TNFRSF19: variants seen among roughly 807,000 people sequenced by gnomAD.
The protein encoded by TNFRSF19 is TNF receptor superfamily member 19.
In TNFRSF19, 27 loss-of-function variants were observed where a neutral mutation model predicts 46.4. That is an observed-to-expected ratio of 0.58 (90% CI 0.43 to 0.80). TNFRSF19 has a LOEUF of 0.80. Among genes scored for constraint, TNFRSF19 ranks in the 30% least tolerant of loss-of-function variants. The pLI, the probability that TNFRSF19 is intolerant of heterozygous loss-of-function variation, is 0.00. For missense variants in TNFRSF19, 511 were observed against 530.8 expected, an observed-to-expected ratio of 0.96 and a Z score of 0.37; for synonymous variants, 204 against 205.0, an observed-to-expected ratio of 1.00 and a Z score of 0.04.
intron 5 of TNFRSF19, among the ~76,000 whole-genome samples, chr13:23,658,840 G>A (rs1884150459): frequency 6.6e-6 from 1 of 152,142 alleles, no homozygotes; most frequent in Admixed American, 6.5e-5. Flanking sequence ...ACAGAGGAGA[G>A]GGACACCCTG....
chr13:23,586,246 A>G (rs545535797), intron 1 of TNFRSF19, among the ~76,000 whole-genome samples: 1 of 137,566 alleles, frequency 7.3e-6, no homozygotes, highest in East Asian at 2.2e-4. Context: ...TGACAGAGCG[A>G]GACTCCGTCT....
At chr13:23,582,230 A>T (rs1878496240) in intron 1 of TNFRSF19, among the ~76,000 whole-genome samples, 2 of 68,716 alleles carry the variant, frequency 2.9e-5, no homozygotes, top group South Asian at 1.0e-3. Context: ...AATACAAAAA[A>T]AAAAAAAAAA....
Position 23,657,170 on chromosome 13 carries a change from G to A in TNFRSF19, c.446-1880G>A, listed in dbSNP as rs924798931. On this transcript the variant is annotated intron_variant, in intron 5 of 9. Coordinates refer to ENST00000248484, the MANE Select transcript of TNFRSF19 (RefSeq NM_148957.4). ...TATGGTGTGTGTGCCTTCCCAGATG[G>A]CAATAAGAGACTTTTATATGTGTGG... Among the ~76,000 whole-genome samples the A allele has an allele frequency of 2.6e-5, 4 of 152,152 alleles. No individual in the cohort carries two copies. The East Asian group carries it at 7.7e-4, about 29-fold the overall frequency.
At chr13:23,628,997 G>C (rs1882179060) in intron 5 of TNFRSF19, among the ~76,000 whole-genome samples, 1 of 151,924 alleles carries the variant, frequency 6.6e-6, no homozygotes, top group African/African-American at 2.4e-5. Flanking sequence ...AGTAATTCCA[G>C]AACACAGCTA....
chr13:23,590,031 TA>T (rs1454129409), intron 1 of TNFRSF19, 118 bp from the exon 2 acceptor site: 7 of 439,496 alleles, frequency 1.6e-5, no homozygotes, highest in Non-Finnish European at 2.9e-5. Context: ...TGGTTTCTTT[TA>T]AAACACAAAT....
intron 4 of TNFRSF19, among the ~76,000 whole-genome samples, chr13:23,625,802 C>G (rs896388134): frequency 4.6e-5 from 7 of 151,944 alleles, no homozygotes; most frequent in African/African-American, 9.7e-5. Flanking sequence ...ATACATATAC[C>G]TATTGGCCTA....
At chr13:23,616,782 C>T (rs1881325951) in intron 4 of TNFRSF19, among the ~76,000 whole-genome samples, 1 of 152,084 alleles carries the variant, frequency 6.6e-6, no homozygotes, top group Non-Finnish European at 1.5e-5. Context: ...TGGTGTTTCT[C>T]CATGTTGGTT....
At chr13:23,579,458 C>T (rs1878226411) in intron 1 of TNFRSF19, 1 of 152,844 alleles carries the variant, frequency 6.5e-6, no homozygotes, top group African/African-American at 2.4e-5. Flanking sequence ...TGCGCCTTAA[C>T]CAGGACTGCT....
chr13:23,592,288 C>T (rs544827646), intron 2 of TNFRSF19, among the ~76,000 whole-genome samples: 4 of 152,198 alleles, frequency 2.6e-5, no homozygotes, highest in South Asian at 2.1e-4. Context: ...AACAGAACCG[C>T]GTCAGTAGCA....
intron 5 of TNFRSF19, among the ~76,000 whole-genome samples, chr13:23,628,698 T>C (rs1035507037): frequency 6.6e-6 from 1 of 152,068 alleles, no homozygotes; most frequent in Non-Finnish European, 1.5e-5. Context: ...TAACTTTTAG[T>C]GTCTTGTGAC....
chr13:23,638,884 A>ATTTCTGC (rs1246167735), intron 5 of TNFRSF19, among the ~76,000 whole-genome samples: 12 of 152,256 alleles, frequency 7.9e-5, no homozygotes, highest in African/African-American at 2.9e-4. Context: ...TTGCTGCATC[A>ATTTCTGC]TGCCAACATT....
intron 1 of TNFRSF19, among the ~76,000 whole-genome samples, chr13:23,578,970 G>A (rs748820840): frequency 6.6e-6 from 1 of 152,262 alleles, no homozygotes; most frequent in Admixed American, 6.5e-5. Context: ...CCTGAGCTCA[G>A]GCGCAGCAGC....
Position 23,674,417 on chromosome 13 carries a change from TAA to T in TNFRSF19, c.*1038_*1039del, listed in dbSNP as rs1951798647. On this transcript the variant is annotated 3_prime_UTR_variant, in exon 10 of 10. Coordinates refer to ENST00000248484, the MANE Select transcript of TNFRSF19 (RefSeq NM_148957.4). ...TGTAGGGGTTTGGATGAAGCAGCTGTAACTGCCCTAGTGTAGTTTGACCAGGA... is the reference window on the plus strand; with the variant it reads ...TGTAGGGGTTTGGATGAAGCAGCTGTCTGCCCTAGTGTAGTTTGACCAGGA... The T allele has an allele frequency of 2.0e-5, 3 of 152,236 alleles. No individual in the cohort carries two copies. Among genetic ancestry groups the T allele is most frequent in the Admixed American group, 2.0e-4 (3 of 15,280 alleles). 9.4% of individuals were successfully genotyped at this position (152,236 alleles called of 1,614,324 possible).
At chr13:23,621,932 C>T (rs547374017) in intron 4 of TNFRSF19, among the ~76,000 whole-genome samples, 1 of 152,126 alleles carries the variant, frequency 6.6e-6, no homozygotes, top group African/African-American at 2.4e-5. Flanking sequence ...GCCTGGGTGA[C>T]AGAGCGAGAC....
chr13:23,638,184 AAAAAG>A (rs1882812486), intron 5 of TNFRSF19, among the ~76,000 whole-genome samples: 1 of 152,260 alleles, frequency 6.6e-6, no homozygotes, highest in African/African-American at 2.4e-5. Flanking sequence ...GTAGACTATT[AAAAAG>A]AAAAACATCC....
At chr13:23,654,090 G>C (rs1279948401) in intron 5 of TNFRSF19, among the ~76,000 whole-genome samples, 1 of 152,228 alleles carries the variant, frequency 6.6e-6, no homozygotes, top group Non-Finnish European at 1.5e-5. Flanking sequence ...GCAAGAGCCA[G>C]GTTTTGGACA....
rs1337764980 is a variant in TNFRSF19 at position 23,659,974 on chromosome 13, A to T, written c.611-391A>T. 6.6e-6 allele frequency among the ~76,000 whole-genome samples: 1 copy of T among 152,000 alleles called. No homozygotes were observed. The highest frequency in any genetic ancestry group is 1.5e-5 in the Non-Finnish European group (1 of 67,998). The stretch of plus-strand genomic sequence containing the variant: ...CTTCATGTTGAGTGGGCTGAGGAGG[A>T]GGAGGAGGAGGGTTGGCCTTGGTGT... On this transcript the variant is annotated intron_variant, in intron 6 of 9. Transcript: ENST00000248484. This position sits in a 1 kb window ranked among gnomAD's most constrained non-coding sequence, Gnocchi z 4.9.
chr13:23,661,910 A>G (rs1008344131), intron 7 of TNFRSF19, among the ~76,000 whole-genome samples: 3 of 151,936 alleles, frequency 2.0e-5, no homozygotes, highest in Non-Finnish European at 4.4e-5. Context: ...TGTAAATTTA[A>G]GTTCCTTATA....
At chr13:23,617,495 A>G (rs1477492346) in intron 4 of TNFRSF19, among the ~76,000 whole-genome samples, 1 of 152,206 alleles carries the variant, frequency 6.6e-6, no homozygotes, top group Non-Finnish European at 1.5e-5. Context: ...TAAGGCAGGG[A>G]GAAGCCATTG....
Sources: allele counts gnomAD v4.1 joint callset (sites outside exome capture counted in the v4.1 genomes callset), GRCh38; gene constraint gnomAD v4.1.1; non-coding constraint Gnocchi (gnomAD v3.1); transcripts MANE v1.5; gene names NCBI Gene and HGNC (gene_info 2026-07-23, HGNC 2026-07-21).